Variants in ERCC6 observed in about 807,000 individuals in gnomAD.
ERCC6 encodes the protein DNA excision repair protein ERCC-6.
A neutral mutation model predicts 158.7 loss-of-function variants in ERCC6; 116 were observed. The observed-to-expected ratio is 0.73, with a 90% CI of 0.63 to 0.85. ERCC6 has a LOEUF of 0.85. Ranked by LOEUF, ERCC6 falls within the 40% of genes least tolerant of loss-of-function variation. The probability of loss-of-function intolerance (pLI) is 0.00; values close to 1 mark genes in which losing one functional copy is unlikely to be tolerated. For synonymous variants in ERCC6, 678 were observed against 659.3 expected (o/e 1.03, Z -0.43); for missense variants, 1,698 against 1,799.4 (o/e 0.94, Z 1.02).
Position 49,524,172 on chromosome 10 carries a change from G to C in ERCC6, c.1258C>G (p.Gln420Glu), listed in dbSNP as rs777002239. ...GGKRQKKVPV[Q>E]EIDDDFFPSS... ...GGGAAAAAGTCATCATCAATCTCCT[G>C]CACTGGCACTTTCTTCTGCCGTTTC... The change falls in exon 5 of 21, where the codon CAG becomes GAG. Residue 420 changes from glutamine (Q) to glutamate (E), a missense_variant. Transcript: ENST00000355832. 1 of 1,614,082 alleles carries C rather than the reference G, an allele frequency of 6.2e-7. No individual in the cohort carries two copies. Among genetic ancestry groups the C allele is most frequent in the Non-Finnish European group, 8.5e-7 (1 of 1,180,032 alleles).
At chr10:49,485,708 T>C (rs1402122566) in intron 8 of ERCC6, among the ~76,000 whole-genome samples, 7 of 152,238 alleles carry the variant, frequency 4.6e-5, no homozygotes, top group Non-Finnish European at 1.0e-4. Flanking sequence ...TGCTGATTAC[T>C]GAGTAACAGT....
At chr10:49,539,358 T>G (rs1178927673), upstream of ERCC6, 3 of 152,296 alleles carry the variant, frequency 2.0e-5, no homozygotes, top group African/African-American at 4.8e-5. Flanking sequence ...GGGTGTGCCA[T>G]GCGAATGTAA....
At chr10:49,503,443 G>C (rs557552971) in intron 6 of ERCC6, 2 of 152,130 alleles carry the variant, frequency 1.3e-5, no homozygotes, top group Admixed American at 1.3e-4. Context: ...TCTCTAGCAG[G>C]ATCCCCAAAA....
chr10:49,473,901 G>T, intron 13 of ERCC6, 126 bp downstream of exon 13: 1 of 905,082 alleles, frequency 1.1e-6, no homozygotes, highest in Non-Finnish European at 1.8e-6. Context: ...GAAATCGGTA[G>T]ACTGCCACCT....
intron 8 of ERCC6, among the ~76,000 whole-genome samples, chr10:49,487,375 T>C (rs1851094688): frequency 1.3e-5 from 2 of 152,176 alleles, no homozygotes; most frequent in Admixed American, 6.5e-5. Flanking sequence ...ACCTGCACAA[T>C]ACCATATTGA....
At chr10:49,438,332 G>A in the ERCC6 span, among the ~76,000 whole-genome samples, 1 of 152,182 alleles carries the variant, frequency 6.6e-6, no homozygotes, top group Non-Finnish European at 1.5e-5. Context: ...CAGAATCATG[G>A]TGGGAGGCAA....
the ERCC6 span, among the ~76,000 whole-genome samples, chr10:49,438,019 T>C: frequency 2.0e-5 from 3 of 152,160 alleles, no homozygotes; most frequent in Admixed American, 6.5e-5. Context: ...TACTGTATTG[T>C]TTTTTGTTTG....
At chr10:49,513,021 A>G (rs904703611) in intron 5 of ERCC6, among the ~76,000 whole-genome samples, 1 of 152,184 alleles carries the variant, frequency 6.6e-6, no homozygotes. Context: ...ACAGACCCTC[A>G]TTTCAAGCAT....
chr10:49,484,565 C>A (rs1430119553), intron 8 of ERCC6, among the ~76,000 whole-genome samples: 3 of 152,034 alleles, frequency 2.0e-5, no homozygotes, highest in Non-Finnish European at 4.4e-5. Flanking sequence ...CAAAGCAAGA[C>A]CCTGTCTCTA....
Position 49,456,724 on chromosome 10 carries a change from T to C in ERCC6, c.*2091A>G, listed in dbSNP as rs1850489480. Reference sequence around the variant, plus strand: ...AAATACATTAAATCTATTTACACTGTACAAAGCTTTTAAAGTTCTAAAAAT... The same window carrying C: ...AAATACATTAAATCTATTTACACTGCACAAAGCTTTTAAAGTTCTAAAAAT... On this transcript the variant is annotated 3_prime_UTR_variant, in exon 21 of 21. Transcript: ENST00000355832. 1.3e-5 allele frequency: 2 copies of C among 152,248 alleles called. No individual in the cohort carries two copies. The highest frequency in any genetic ancestry group is 1.5e-5 in the Non-Finnish European group (1 of 68,044). The allele number at this position is 152,248 out of a possible 1,614,324, so 9.4% of individuals were successfully genotyped here. A position where few individuals can be genotyped will look rare whatever the true frequency, so the allele number is the denominator to read the frequency against.
intron 18 of ERCC6, among the ~76,000 whole-genome samples, chr10:49,463,532 G>A (rs1656108667): frequency 6.6e-6 from 1 of 152,156 alleles, no homozygotes; most frequent in Non-Finnish European, 1.5e-5. Context: ...ACAACCTTTT[G>A]TGTAAGAGAA....
At chr10:49,473,128 T>C in intron 14 of ERCC6, 100 bp from the exon 15 acceptor site, 3 of 1,529,112 alleles carry the variant, frequency 2.0e-6, no homozygotes, top group Non-Finnish European at 2.7e-6. Context: ...TACTGGGCTG[T>C]TCCCAATATA....
In ERCC6 at chr10:49,482,871, A is replaced by G. The variant is rs2132551932; in HGVS notation, c.1993-8T>C. ...CCGATGAGGGGTGCGAAACTATTTG[A>G]GGAAAGGAAGCACCTTTTTATTAAA... On this transcript the variant is annotated splice_region_variant and splice_polypyrimidine_tract_variant and intron_variant, in intron 9 of 20. Coordinates refer to ENST00000355832, the MANE Select transcript of ERCC6 (RefSeq NM_000124.4). 6.2e-7 allele frequency: 1 copy of G among 1,614,114 alleles called. No individual in the cohort carries two copies. Among genetic ancestry groups the G allele is most frequent in the Non-Finnish European group, 8.5e-7 (1 of 1,179,998 alleles).
intron 5 of ERCC6, 52 bp downstream of exon 5, chr10:49,523,981 C>T: frequency 6.2e-7 from 1 of 1,605,324 alleles, no homozygotes; most frequent in South Asian, 1.1e-5. Flanking sequence ...ATAAACCTGT[C>T]ACCTAAGATA....
At chr10:49,485,900 G>A (rs1158894969) in intron 8 of ERCC6, among the ~76,000 whole-genome samples, 2 of 152,092 alleles carry the variant, frequency 1.3e-5, no homozygotes, top group South Asian at 4.1e-4. Context: ...CATTCCACTG[G>A]GTAAGGCAAA....
chr10:49,529,555 C>A (rs1837420250), intron 3 of ERCC6, among the ~76,000 whole-genome samples: 2 of 152,144 alleles, frequency 1.3e-5, no homozygotes, highest in Admixed American at 1.3e-4. Flanking sequence ...CTGCCTTGGG[C>A]AACTGCTAGC....
chr10:49,445,115 T>C, the ERCC6 span, among the ~76,000 whole-genome samples: 100,327 of 152,140 alleles, frequency 0.66, 33,407 homozygotes, highest in South Asian at 0.8. Context: ...TTTCAGTAAA[T>C]GTAGAAAATG....
At chr10:49,449,891 G>T (rs565760040), downstream of ERCC6, among the ~76,000 whole-genome samples, 2 of 150,390 alleles carry the variant, frequency 1.3e-5, no homozygotes, top group East Asian at 1.9e-4. Context: ...TCTTTTTTTT[G>T]AGATAGGGTC....
chr10:49,505,876 G>A lies in ERCC6; in HGVS notation c.1526+8C>T. ...GCAAATAGAAAGGAAAGAACATATG[G>A]TACATACTTAAAAAGCTTTTTGAAC... On this transcript the variant is annotated splice_region_variant and intron_variant, in intron 6 of 20. Coordinates refer to ENST00000355832, the MANE Select transcript of ERCC6 (RefSeq NM_000124.4). 6.2e-7 allele frequency: 1 copy of A among 1,612,870 alleles called. No homozygotes were observed. Among genetic ancestry groups the A allele is most frequent in the South Asian group, 1.1e-5 (1 of 91,050 alleles).
Sources: gnomAD v4.1 joint callset for allele counts (sites outside exome capture counted in the v4.1 genomes callset) on GRCh38, gnomAD v4.1.1 for gene constraint, MANE v1.5 for transcripts, NCBI Gene and HGNC (gene_info 2026-07-23, HGNC 2026-07-21) for gene names.